SPTBN2: variants seen among roughly 807,000 people sequenced by gnomAD.
SPTBN2 encodes spectrin beta chain, non-erythrocytic 2.
SPTBN2 carries 107 observed loss-of-function variants against 284.2 expected under a neutral mutation model. The observed-to-expected ratio is 0.38, with a 90% CI of 0.32 to 0.44. The LOEUF (loss-of-function observed/expected upper bound fraction) is 0.44. Ranked by LOEUF, SPTBN2 falls within the 20% of genes least tolerant of loss-of-function variation. The pLI is 1.00. For missense variants in SPTBN2, 2,569 were observed against 3,287.1 expected (o/e 0.78, Z 5.34); for synonymous variants, 1,289 against 1,354.8 (o/e 0.95, Z 1.07).
chr11:66,732,158 A>G (rs748486669), upstream of SPTBN2, among the ~76,000 whole-genome samples: 31 of 152,224 alleles, frequency 2.0e-4, no homozygotes, highest in Non-Finnish European at 4.3e-4. Flanking sequence ...AACAACTCCA[A>G]GAGGTAAGTA....
intron 21 of SPTBN2, among the ~76,000 whole-genome samples, chr11:66,694,842 C>T (rs1185960179): frequency 1.3e-5 from 2 of 152,332 alleles, no homozygotes; most frequent in Middle Eastern, 3.4e-3. Context: ...CAGCAGAGGG[C>T]GCTGGAGGGA....
At position 66,700,338 on chromosome 11, in the gene SPTBN2, G is replaced by T. The variant is rs1414193940; in HGVS notation, c.3573+188C>A. Among the ~76,000 whole-genome samples, 2 of 152,062 alleles carry T rather than the reference G, an allele frequency of 1.3e-5. No individual in the cohort carries two copies. The highest frequency in any genetic ancestry group is 4.8e-5 in the African/African-American group (2 of 41,408). On this transcript the variant is annotated intron_variant, in intron 17 of 37. Coordinates refer to ENST00000533211, the MANE Select transcript of SPTBN2 (RefSeq NM_006946.4). This position sits in a 1 kb window ranked among gnomAD's most constrained non-coding sequence, Gnocchi z 6.6. ...AAGGTCTTGCCATGTTGCCCAGGTT[G>T]GTCTGGATATTCTCAGCCTCAAGTG...
intron 27 of SPTBN2, among the ~76,000 whole-genome samples, chr11:66,690,751 T>A (rs1295491418): frequency 1.3e-5 from 2 of 152,146 alleles, no homozygotes; most frequent in African/African-American, 4.8e-5. Context: ...CCTGAAGACA[T>A]CATGGGCTCT....
Position 66,708,771 on chromosome 11 carries a change from CGAGTTTCAAGTT to C in SPTBN2, c.1191+119_1191+130del. 1.3e-6 allele frequency: 1 copy of C among 743,162 alleles called. No individual in the cohort carries two copies. Among genetic ancestry groups the C allele is most frequent in the Non-Finnish European group, 2.3e-6 (1 of 433,532 alleles). The allele number at this position is 743,162 out of a possible 1,614,324, so 46.0% of individuals were successfully genotyped here. Reference sequence around the variant, plus strand: ...AGTGTGGGCAGCTGGGCAGAGTGCTCGAGTTTCAAGTTGGGGCAGCAGATAGTAGAACTTGGT... The same window carrying C: ...AGTGTGGGCAGCTGGGCAGAGTGCTCGGGGCAGCAGATAGTAGAACTTGGT... On this transcript the variant is annotated intron_variant, in intron 11 of 37. Transcript: ENST00000533211. The surrounding 1 kb of genome is among the most constrained non-coding windows in gnomAD (Gnocchi z 4.4).
intron 1 of SPTBN2, among the ~76,000 whole-genome samples, chr11:66,726,738 G>A (rs549168898): frequency 1.3e-5 from 2 of 152,330 alleles, no homozygotes; most frequent in South Asian, 2.1e-4. Flanking sequence ...GAGAAGTCAC[G>A]GGAAGGCAGA....
chr11:66,733,192 T>C (rs1942826156), upstream of SPTBN2, among the ~76,000 whole-genome samples: 1 of 152,090 alleles, frequency 6.6e-6, no homozygotes, highest in Non-Finnish European at 1.5e-5. Flanking sequence ...AAGGAAGTGA[T>C]AGGATCAACT....
At chr11:66,727,264 C>A (rs1038970210) in intron 1 of SPTBN2, among the ~76,000 whole-genome samples, 3 of 152,186 alleles carry the variant, frequency 2.0e-5, no homozygotes, top group African/African-American at 7.2e-5. Flanking sequence ...CCCCTCTTCA[C>A]CTTCAAGGAA....
chr11:66,726,007 C>T (rs952314356), intron 1 of SPTBN2, among the ~76,000 whole-genome samples: 4 of 152,172 alleles, frequency 2.6e-5, no homozygotes, highest in African/African-American at 9.7e-5. Context: ...CTTATCACAT[C>T]GCATTACGGT....
chr11:66,737,980 C>T (rs918026172), intron 1 of SPTBN2, among the ~76,000 whole-genome samples: 4 of 152,004 alleles, frequency 2.6e-5, no homozygotes, highest in South Asian at 2.1e-4. Flanking sequence ...TTTGGGAGGC[C>T]GAGGCAGGTG....
Position 66,684,124 on chromosome 11 carries a change from C to T in SPTBN2, c.*1747G>A, listed in dbSNP as rs764595378. 3.3e-5 allele frequency among the ~76,000 whole-genome samples: 5 copies of T among 152,170 alleles called. No individual in the cohort carries two copies. Among genetic ancestry groups the T allele is most frequent in the Admixed American group, 2.6e-4 (4 of 15,274 alleles). ...TCTTCGTCATGACTGATGATAGGCC[C>T]GCAGTCAATGACTAAAGATGGGGCT... On this transcript the variant is annotated 3_prime_UTR_variant, in exon 38 of 38. Coordinates refer to ENST00000533211, the MANE Select transcript of SPTBN2 (RefSeq NM_006946.4).
At chr11:66,732,025 C>T (rs1314127184), upstream of SPTBN2, among the ~76,000 whole-genome samples, 2 of 152,188 alleles carry the variant, frequency 1.3e-5, no homozygotes, top group African/African-American at 4.8e-5. Context: ...ATCACCTGAG[C>T]TGAGATCTGA....
chr11:66,690,544 G>C (rs539936464), intron 27 of SPTBN2, among the ~76,000 whole-genome samples: 1 of 152,216 alleles, frequency 6.6e-6, no homozygotes, highest in African/African-American at 2.4e-5. Context: ...TCAGAGGCCT[G>C]TCTAGGATGT....
intron 14 of SPTBN2, 102 bp downstream of exon 14, chr11:66,705,582 C>G: frequency 6.2e-7 from 1 of 1,601,724 alleles, no homozygotes; most frequent in Non-Finnish European, 8.5e-7. Context: ...CATCGTTTGG[C>G]CACCATCTTT....
At position 66,705,355 on chromosome 11, in the gene SPTBN2, G is replaced by A. The variant is rs1169301071; in HGVS notation, c.1921C>T (p.Arg641Trp). ...TCCCAGAGGAAACGCCAGAGCCGCC[G>A]TGATTCCTCCAGCCGGGCCCGCCGC... ...AARRARLEESRRLWRFLWEVG... is the reference protein window; with the variant it reads ...AARRARLEESWRLWRFLWEVG... Residue 641 changes from arginine to tryptophan, a missense_variant, in exon 15 of 38, where the codon CGG becomes TGG. Coordinates refer to ENST00000533211, the MANE Select transcript of SPTBN2 (RefSeq NM_006946.4). 2.5e-6 allele frequency: 4 copies of A among 1,611,848 alleles called. No individual in the cohort carries two copies. The highest frequency in any genetic ancestry group is 1.1e-5 in the South Asian group (1 of 91,070).
upstream of SPTBN2, among the ~76,000 whole-genome samples, chr11:66,729,560 A>AC (rs1565164530): frequency 6.6e-6 from 1 of 152,202 alleles, no homozygotes; most frequent in Admixed American, 6.5e-5. Context: ...AGGTATGCAT[A>AC]CTGAAACAAA....
intron 17 of SPTBN2, 91 bp from the exon 18 acceptor site, chr11:66,699,699 G>A (rs1941135089): frequency 7.7e-7 from 1 of 1,306,116 alleles, no homozygotes. Context: ...TGAGAGGTAG[G>A]GACCAACAAG....
chr11:66,731,694 C>G (rs780654787), upstream of SPTBN2, among the ~76,000 whole-genome samples: 24 of 152,214 alleles, frequency 1.6e-4, no homozygotes, highest in Non-Finnish European at 3.2e-4. Context: ...CCCCGACTTC[C>G]CTCCATGCAT....
rs192622313 is a variant in SPTBN2 at position 66,735,114 on chromosome 11, C to A, written c.-474-5922G>T. On this transcript the variant is annotated intron_variant, in intron 1 of 37. Coordinates refer to the SPTBN2 transcript ENST00000611817. ...TTGGGAGGCTGAAGCAGGTGCATCA[C>A]CTGAGGTCAGGAGTGGGAGACCAGC... Among the ~76,000 whole-genome samples, 547 of 152,258 alleles carry A rather than the reference C, an allele frequency of 3.6e-3. 4 individuals are homozygous for A. Among genetic ancestry groups the A allele is most frequent in the Non-Finnish European group, 5.7e-3 (390 of 68,020 alleles).
Position 66,685,559 on chromosome 11 carries a change from A to ATGTTGAGG in SPTBN2, c.*304_*311dup. ...GGGGCAGCCACTCCCCACATGGCCTATGTTGAGGGTGCGGCACTGTCCACA... is the reference window on the plus strand; with the variant it reads ...GGGGCAGCCACTCCCCACATGGCCTATGTTGAGGTGTTGAGGGTGCGGCACTGTCCACA... On this transcript the variant is annotated 3_prime_UTR_variant, in exon 38 of 38. Coordinates refer to ENST00000533211, the MANE Select transcript of SPTBN2 (RefSeq NM_006946.4). The surrounding 1 kb of genome is among the most constrained non-coding windows in gnomAD (Gnocchi z 4.4). 2.7e-6 allele frequency: 1 copy of ATGTTGAGG among 375,218 alleles called. No individual in the cohort carries two copies. The highest frequency in any genetic ancestry group is 5.0e-6 in the Non-Finnish European group (1 of 198,734). The allele number at this position is 375,218 out of a possible 1,614,324, so 23.2% of individuals were successfully genotyped here.
Sources: gnomAD v4.1 joint callset for allele counts (sites outside exome capture counted in the v4.1 genomes callset) on GRCh38, gnomAD v4.1.1 for gene constraint, Gnocchi (gnomAD v3.1) non-coding constraint, MANE v1.5 for transcripts, NCBI Gene and HGNC (gene_info 2026-07-23, HGNC 2026-07-21) for gene names.